FTO: variants seen among roughly 807,000 people sequenced by gnomAD.
The protein encoded by FTO is alpha-ketoglutarate-dependent dioxygenase FTO.
In FTO, 47 loss-of-function variants were observed where a neutral mutation model predicts 63.9. The ratio of observed to expected loss-of-function variants is 0.74; its 90% CI spans 0.58 to 0.94. FTO has a LOEUF of 0.94. Among genes scored for constraint, FTO ranks in the 40% least tolerant of loss-of-function variants. The pLI, the probability that FTO is intolerant of heterozygous loss-of-function variation, is 0.00. For missense variants in FTO, 562 were observed against 618.1 expected, an observed-to-expected ratio of 0.91 and a Z score of 0.96; for synonymous variants, 207 against 224.4, an observed-to-expected ratio of 0.92 and a Z score of 0.69.
chr16:53,914,375 A>C (rs1333967177), intron 7 of FTO, among the ~76,000 whole-genome samples: 1 of 151,992 alleles, frequency 6.6e-6, no homozygotes, highest in African/African-American at 2.4e-5. Flanking sequence ...TTGCAGATAA[A>C]TAATTGTTTA....
chr16:54,060,333 G>A (rs1399767762), intron 8 of FTO, among the ~76,000 whole-genome samples: 5 of 152,172 alleles, frequency 3.3e-5, no homozygotes, highest in African/African-American at 4.8e-5. Context: ...GTAATAAATC[G>A]TTCTCTGAGT....
chr16:53,992,476 A>T (rs577754448), intron 8 of FTO: 99 of 152,070 alleles, frequency 6.5e-4, no homozygotes, highest in African/African-American at 2.3e-3. Flanking sequence ...TCTCTGTCCT[A>T]TTTGGCCAGA....
At chr16:53,950,365 G>C (rs1274411255) in intron 8 of FTO, among the ~76,000 whole-genome samples, 1 of 151,970 alleles carries the variant, frequency 6.6e-6, no homozygotes. Context: ...AAAATGACCA[G>C]GATACTTGGA....
intron 5 of FTO, 53 bp downstream of exon 5, chr16:53,873,918 T>A: frequency 1.5e-6 from 2 of 1,314,710 alleles, no homozygotes; most frequent in East Asian, 2.3e-5. Context: ...ACAGAAGTGG[T>A]TGAATGAGCA....
At chr16:54,097,148 G>C (rs1219415116) in intron 8 of FTO, among the ~76,000 whole-genome samples, 1 of 152,072 alleles carries the variant, frequency 6.6e-6, no homozygotes, top group Non-Finnish European at 1.5e-5. Flanking sequence ...AAGACCTTTA[G>C]GGATTGTCTA....
chr16:53,796,232 T>C (rs752439272), intron 1 of FTO, among the ~76,000 whole-genome samples: 1 of 151,938 alleles, frequency 6.6e-6, no homozygotes, highest in African/African-American at 2.4e-5. Context: ...TTAGTAGAGA[T>C]GGGGTTTTGC....
intron 8 of FTO, among the ~76,000 whole-genome samples, chr16:54,087,936 G>C (rs914356344): frequency 6.6e-6 from 1 of 152,230 alleles, no homozygotes; most frequent in Non-Finnish European, 1.5e-5. Context: ...AATGAGAATT[G>C]AAGGCAGTTG....
At chr16:53,740,408 T>G (rs1277824235) in intron 1 of FTO, among the ~76,000 whole-genome samples, 2 of 152,246 alleles carry the variant, frequency 1.3e-5, no homozygotes, top group African/African-American at 4.8e-5. Context: ...TATCTTCATG[T>G]TACGTTCCTG....
intron 8 of FTO, among the ~76,000 whole-genome samples, chr16:54,059,271 A>G (rs2085514097): frequency 6.6e-6 from 1 of 152,214 alleles, no homozygotes; most frequent in African/African-American, 2.4e-5. Flanking sequence ...CGACAATTGT[A>G]TGCTATCTCA....
At chr16:53,902,516 T>A (rs1598948266) in intron 7 of FTO, among the ~76,000 whole-genome samples, 1 of 152,332 alleles carries the variant, frequency 6.6e-6, no homozygotes, top group African/African-American at 2.4e-5. Flanking sequence ...TAAGATAAAC[T>A]GAGTGTTTCT....
intron 7 of FTO, among the ~76,000 whole-genome samples, chr16:53,920,806 A>G (rs946765556): frequency 6.6e-6 from 1 of 152,194 alleles, no homozygotes; most frequent in African/African-American, 2.4e-5. Flanking sequence ...TAAGCACTAA[A>G]TAAACATAGC....
chr16:53,995,858 C>CG (rs1555500817), intron 8 of FTO, among the ~76,000 whole-genome samples: 2 of 152,098 alleles, frequency 1.3e-5, no homozygotes, highest in Non-Finnish European at 2.9e-5. Context: ...CTCATTTTCC[C>CG]GGGTTCCCTT....
At chr16:54,058,762 A>C (rs1599292332) in intron 8 of FTO, among the ~76,000 whole-genome samples, 2 of 152,184 alleles carry the variant, frequency 1.3e-5, no homozygotes, top group East Asian at 3.9e-4. Flanking sequence ...AGAATGATGG[A>C]ACAATTGGTT....
At chr16:53,789,753 CAT>C (rs143403033) in intron 1 of FTO, among the ~76,000 whole-genome samples, 17 of 147,170 alleles carry the variant, frequency 1.2e-4, no homozygotes, top group Admixed American at 4.8e-4. Flanking sequence ...CTGGAACATA[CAT>C]ATATATATAT....
intron 1 of FTO, among the ~76,000 whole-genome samples, chr16:53,733,958 C>T (rs1274454034): frequency 6.6e-6 from 1 of 152,148 alleles, no homozygotes; most frequent in Non-Finnish European, 1.5e-5. Context: ...GTACACAATT[C>T]TACAAATTAT....
At chr16:53,911,276 C>T (rs558873937) in intron 7 of FTO, 1 of 660,200 alleles carries the variant, frequency 1.5e-6, no homozygotes, top group Non-Finnish European at 2.8e-6. Context: ...TAAAGGAGAA[C>T]AAAGTAGGGT....
At chr16:53,899,670 C>T (rs145390493) in intron 7 of FTO, among the ~76,000 whole-genome samples, 206 of 152,250 alleles carry the variant, frequency 1.4e-3, no homozygotes, top group African/African-American at 4.5e-3. Flanking sequence ...AGTTTTCTTT[C>T]CTCACCAGGA....
intron 2 of FTO, among the ~76,000 whole-genome samples, chr16:53,815,197 G>A (rs984430299): frequency 6.6e-6 from 1 of 152,054 alleles, no homozygotes; most frequent in African/African-American, 2.4e-5. Context: ...GAGAAGGCTT[G>A]GAGCAAAGCG....
At chr16:54,039,859 A>G (rs1206486628) in intron 8 of FTO, 1 of 152,164 alleles carries the variant, frequency 6.6e-6, no homozygotes, top group Admixed American at 6.5e-5. Flanking sequence ...TTTGTTCTCT[A>G]TATTAGATTG....
Sources: allele counts gnomAD v4.1 joint callset (sites outside exome capture counted in the v4.1 genomes callset), GRCh38; gene constraint gnomAD v4.1.1; transcripts MANE v1.5; gene names NCBI Gene and HGNC (gene_info 2026-07-23, HGNC 2026-07-21).